Variants in PLXDC2 observed in about 807,000 individuals in gnomAD.
PLXDC2 encodes the protein plexin domain-containing protein 2.
Under a neutral mutation model 68.9 loss-of-function variants are expected in PLXDC2, and 40 were observed. The observed-to-expected ratio is 0.58, with a 90% CI of 0.45 to 0.76. The LOEUF (loss-of-function observed/expected upper bound fraction) is 0.76. Among genes scored for constraint, PLXDC2 ranks in the 30% least tolerant of loss-of-function variants. The pLI is 0.00. For synonymous variants in PLXDC2, 243 were observed against 234.2 expected (o/e 1.04, Z -0.34); for missense variants, 644 against 661.9 (o/e 0.97, Z 0.30).
chr10:19,828,863 G>A (rs929163758), intron 1 of PLXDC2, among the ~76,000 whole-genome samples: 26 of 152,024 alleles, frequency 1.7e-4, no homozygotes, highest in African/African-American at 5.8e-4. Context: ...GGCCTTTCTA[G>A]CCTGGCTGAC....
At chr10:20,265,050 T>C (rs1479621285) in intron 13 of PLXDC2, among the ~76,000 whole-genome samples, 1 of 152,120 alleles carries the variant, frequency 6.6e-6, no homozygotes, top group Non-Finnish European at 1.5e-5. Flanking sequence ...AATTAGACAA[T>C]CATGAAGTTT....
intron 4 of PLXDC2, 42 bp from the exon 5 acceptor site, chr10:20,143,253 G>T: frequency 1.9e-6 from 3 of 1,559,652 alleles, no homozygotes; most frequent in Admixed American, 1.8e-5. Flanking sequence ...ATTTTATATG[G>T]GCTTCTTTTT....
chr10:20,184,940 T>G (rs1240250672), intron 9 of PLXDC2, among the ~76,000 whole-genome samples: 2 of 150,338 alleles, frequency 1.3e-5, no homozygotes, highest in African/African-American at 2.4e-5. Context: ...TATGTGGGAG[T>G]TGAACAATGA....
At chr10:20,081,943 G>A (rs1221841951) in intron 4 of PLXDC2, among the ~76,000 whole-genome samples, 1 of 151,140 alleles carries the variant, frequency 6.6e-6, no homozygotes, top group Non-Finnish European at 1.5e-5. Flanking sequence ...TACTTGGGAG[G>A]CTGAGGCAGG....
intron 13 of PLXDC2, among the ~76,000 whole-genome samples, chr10:20,269,743 C>T (rs985744309): frequency 6.6e-6 from 1 of 152,130 alleles, no homozygotes; most frequent in Non-Finnish European, 1.5e-5. Context: ...TTGGGCCTGG[C>T]ATGATGGCTC....
chr10:20,238,802 A>G (rs1042509474), intron 12 of PLXDC2, among the ~76,000 whole-genome samples: 2 of 150,162 alleles, frequency 1.3e-5, no homozygotes, highest in African/African-American at 2.4e-5. Flanking sequence ...TCCCAAAAAT[A>G]GCAGATTGCT....
intron 1 of PLXDC2, among the ~76,000 whole-genome samples, chr10:19,865,387 C>T (rs1272503071): frequency 1.3e-5 from 2 of 152,156 alleles, no homozygotes; most frequent in Admixed American, 6.5e-5. Context: ...TATTTTTCTA[C>T]ATGACAATGG....
intron 9 of PLXDC2, among the ~76,000 whole-genome samples, chr10:20,200,542 T>C (rs759216474): frequency 1.3e-5 from 2 of 151,934 alleles, no homozygotes; most frequent in Non-Finnish European, 2.9e-5. Context: ...CAATTGGCAT[T>C]GCAACAAACG....
chr10:19,973,296 GTATATATATATACTCACATATATA>G (rs1834387814), intron 1 of PLXDC2, among the ~76,000 whole-genome samples: 2 of 76,760 alleles, frequency 2.6e-5, no homozygotes, highest in Admixed American at 1.1e-4. Flanking sequence ...ACATATATAT[GTATATATATATACTCACATATATA>G]TGTATACATA....
intron 13 of PLXDC2, among the ~76,000 whole-genome samples, chr10:20,261,427 G>A (rs573953097): frequency 6.6e-6 from 1 of 152,042 alleles, no homozygotes; most frequent in Non-Finnish European, 1.5e-5. Context: ...AATAACAGCA[G>A]AACAGAAAAC....
At chr10:20,253,911 G>A (rs1835710292) in intron 13 of PLXDC2, among the ~76,000 whole-genome samples, 1 of 152,166 alleles carries the variant, frequency 6.6e-6, no homozygotes, top group African/African-American at 2.4e-5. Context: ...ATCCAGATAA[G>A]TTTAAACCAG....
intron 1 of PLXDC2, among the ~76,000 whole-genome samples, chr10:19,859,770 C>T (rs1341394051): frequency 3.3e-5 from 5 of 152,276 alleles, no homozygotes; most frequent in Admixed American, 2.0e-4. Flanking sequence ...CTCTCTGCAT[C>T]GCCCAAGCTA....
intron 1 of PLXDC2, among the ~76,000 whole-genome samples, chr10:19,899,393 C>T (rs554585825): frequency 4.8e-4 from 73 of 152,226 alleles, no homozygotes; most frequent in Non-Finnish European, 7.2e-4. Flanking sequence ...TCTTCTGCTA[C>T]TAGAGCTGGT....
intron 3 of PLXDC2, among the ~76,000 whole-genome samples, chr10:20,049,051 C>G (rs1271992237): frequency 6.6e-6 from 1 of 152,050 alleles, no homozygotes; most frequent in East Asian, 1.9e-4. Context: ...TTTAGATACC[C>G]TGCCATTGTC....
At chr10:19,827,406 A>G (rs931604634) in intron 1 of PLXDC2, among the ~76,000 whole-genome samples, 2 of 151,892 alleles carry the variant, frequency 1.3e-5, no homozygotes, top group Non-Finnish European at 1.5e-5. Flanking sequence ...TTTGCTACAA[A>G]CTCTTGGGCT....
At chr10:20,042,197 C>T (rs1432468980) in intron 2 of PLXDC2, among the ~76,000 whole-genome samples, 1 of 152,136 alleles carries the variant, frequency 6.6e-6, no homozygotes, top group Non-Finnish European at 1.5e-5. Context: ...CTGACTACTG[C>T]CAGTTCACTC....
At chr10:20,103,096 G>T (rs1031543246) in intron 4 of PLXDC2, among the ~76,000 whole-genome samples, 1 of 152,088 alleles carries the variant, frequency 6.6e-6, no homozygotes, top group South Asian at 2.1e-4. Context: ...AAGAAGGTGC[G>T]GACAGAAATC....
chr10:20,171,295 C>T (rs1834443252), intron 7 of PLXDC2, among the ~76,000 whole-genome samples: 1 of 152,132 alleles, frequency 6.6e-6, no homozygotes, highest in South Asian at 2.1e-4. Flanking sequence ...CGACAGATCT[C>T]CAGTAAATTA....
At chr10:19,878,261 A>T (rs1274614781) in intron 1 of PLXDC2, among the ~76,000 whole-genome samples, 1 of 151,650 alleles carries the variant, frequency 6.6e-6, no homozygotes, top group Non-Finnish European at 1.5e-5. Context: ...GCATGAGATT[A>T]TGCCATTGTA....
Sources: allele counts gnomAD v4.1 joint callset (sites outside exome capture counted in the v4.1 genomes callset), GRCh38; gene constraint gnomAD v4.1.1; transcripts MANE v1.5; gene names NCBI Gene and HGNC (gene_info 2026-07-23, HGNC 2026-07-21).